The following CACNA2D3 variants were observed in gnomAD, a reference collection of about 807,000 sequenced individuals.
CACNA2D3 encodes voltage-dependent calcium channel subunit alpha-2/delta-3.
A neutral mutation model predicts 160.6 loss-of-function variants in CACNA2D3; 60 were observed. The observed-to-expected ratio is 0.37, with a 90% CI of 0.30 to 0.46. The LOEUF (loss-of-function observed/expected upper bound fraction) is 0.46. Among genes scored for constraint, CACNA2D3 ranks in the 20% least tolerant of loss-of-function variants. The pLI, the probability that CACNA2D3 is intolerant of heterozygous loss-of-function variation, is 1.00. For synonymous variants in CACNA2D3, 558 were observed against 492.9 expected, an observed-to-expected ratio of 1.13 and a Z score of -1.75; for missense variants, 1,205 against 1,365.0, an observed-to-expected ratio of 0.88 and a Z score of 1.85.
chr3:54,287,545 G>C (rs1309886709), intron 2 of CACNA2D3, among the ~76,000 whole-genome samples: 2 of 147,636 alleles, frequency 1.4e-5, no homozygotes, highest in Non-Finnish European at 3.0e-5. Flanking sequence ...AGGATACCCA[G>C]GAATTGAACT....
chr3:54,916,810 A>G (rs1045403827), intron 27 of CACNA2D3, among the ~76,000 whole-genome samples: 4 of 152,258 alleles, frequency 2.6e-5, no homozygotes, highest in African/African-American at 9.6e-5. Context: ...ACCAATCATT[A>G]CATGGCCTGA....
intron 4 of CACNA2D3, among the ~76,000 whole-genome samples, chr3:54,495,514 T>C (rs960555179): frequency 1.3e-5 from 2 of 152,152 alleles, no homozygotes; most frequent in Non-Finnish European, 2.9e-5. Flanking sequence ...TTTGGGAGGC[T>C]GAAGAGGGCA....
chr3:54,129,424 AG>A, intron 2 of CACNA2D3, among the ~76,000 whole-genome samples: 1 of 152,316 alleles, frequency 6.6e-6, no homozygotes, highest in South Asian at 2.1e-4. Flanking sequence ...AGGCTGTTTA[AG>A]GCACTAAATT....
chr3:55,009,921 G>T (rs1030852829), intron 34 of CACNA2D3, among the ~76,000 whole-genome samples: 14 of 152,140 alleles, frequency 9.2e-5, no homozygotes, highest in African/African-American at 3.1e-4. Flanking sequence ...TGGAGGCATG[G>T]GTTGTGGAGT....
At chr3:54,411,543 A>T (rs1264375353) in intron 4 of CACNA2D3, among the ~76,000 whole-genome samples, 2 of 152,230 alleles carry the variant, frequency 1.3e-5, no homozygotes, top group African/African-American at 4.8e-5. Context: ...TTGTATCAGT[A>T]AAGTATTTTA....
chr3:54,876,891 G>A (rs142023136), intron 18 of CACNA2D3: 1 of 152,310 alleles, frequency 6.6e-6, no homozygotes, highest in East Asian at 1.9e-4. Flanking sequence ...CTGGGATCTG[G>A]GAGTCCTCAC....
intron 27 of CACNA2D3, among the ~76,000 whole-genome samples, chr3:54,911,923 T>C (rs758192034): frequency 6.6e-6 from 1 of 152,196 alleles, no homozygotes; most frequent in Admixed American, 6.5e-5. Context: ...ACATTTACTA[T>C]TGTACAGTAC....
chr3:54,738,017 A>G (rs1701568904), intron 11 of CACNA2D3, among the ~76,000 whole-genome samples: 1 of 152,206 alleles, frequency 6.6e-6, no homozygotes, highest in Non-Finnish European at 1.5e-5. Context: ...GGGGCTGGAT[A>G]GCAATGGAAG....
chr3:54,836,251 T>C (rs1698682035), intron 14 of CACNA2D3, among the ~76,000 whole-genome samples: 1 of 147,082 alleles, frequency 6.8e-6, no homozygotes, highest in Non-Finnish European at 1.5e-5. Flanking sequence ...TGTTTTTGTT[T>C]TGGGAGAGAG....
intron 2 of CACNA2D3, among the ~76,000 whole-genome samples, chr3:54,134,253 C>T (rs999219567): frequency 1.1e-4 from 17 of 152,090 alleles, no homozygotes; most frequent in African/African-American, 4.1e-4. Flanking sequence ...GTGTGAAATC[C>T]TGTGAACCCC....
intron 13 of CACNA2D3, among the ~76,000 whole-genome samples, chr3:54,778,416 C>T (rs1363370713): frequency 6.6e-6 from 1 of 152,034 alleles, no homozygotes; most frequent in African/African-American, 2.4e-5. Flanking sequence ...CTGCTTTTCT[C>T]TCTGCAGGAA....
intron 23 of CACNA2D3, 149 bp from the exon 24 acceptor site, chr3:54,887,810 C>A (rs1292787258): frequency 1.6e-6 from 1 of 633,336 alleles, no homozygotes; most frequent in African/African-American, 1.8e-5. Context: ...AGAACTGTTT[C>A]ATATTTTCAA....
intron 9 of CACNA2D3, among the ~76,000 whole-genome samples, chr3:54,623,879 C>A (rs532978550): frequency 6.6e-6 from 1 of 152,244 alleles, no homozygotes; most frequent in Admixed American, 6.5e-5. Flanking sequence ...CTGGACAGAG[C>A]AGCTCTTAGT....
intron 2 of CACNA2D3, among the ~76,000 whole-genome samples, chr3:54,208,287 T>C (rs1701307220): frequency 6.6e-6 from 1 of 152,166 alleles, no homozygotes; most frequent in Non-Finnish European, 1.5e-5. Context: ...TTTGTATTTT[T>C]AGGAGAGATG....
chr3:54,218,214 G>A (rs541428528), intron 2 of CACNA2D3, among the ~76,000 whole-genome samples: 9 of 152,074 alleles, frequency 5.9e-5, no homozygotes, highest in Admixed American at 1.3e-4. Context: ...AACAGTGGGC[G>A]TCTCCCACTG....
intron 12 of CACNA2D3, among the ~76,000 whole-genome samples, chr3:54,756,519 G>C (rs1701974418): frequency 6.6e-6 from 1 of 152,150 alleles, no homozygotes. Context: ...ATGAGGTCCA[G>C]AGGGCCCCCT....
At chr3:54,748,765 C>T (rs1416546446) in intron 11 of CACNA2D3, among the ~76,000 whole-genome samples, 1 of 152,174 alleles carries the variant, frequency 6.6e-6, no homozygotes, top group Non-Finnish European at 1.5e-5. Context: ...CTCTGCTTCA[C>T]ACTCCTTGCA....
chr3:54,473,133 T>C (rs1306000918), intron 4 of CACNA2D3, among the ~76,000 whole-genome samples: 1 of 152,148 alleles, frequency 6.6e-6, no homozygotes, highest in Non-Finnish European at 1.5e-5. Context: ...CTTCAAACTA[T>C]ACTACAAGAC....
intron 2 of CACNA2D3, among the ~76,000 whole-genome samples, chr3:54,196,075 T>C (rs1354599532): frequency 1.3e-5 from 2 of 152,204 alleles, no homozygotes; most frequent in African/African-American, 2.4e-5. Flanking sequence ...TTTGTAGCTG[T>C]TGAATTTTCC....
Sources: gnomAD v4.1 joint callset for allele counts (sites outside exome capture counted in the v4.1 genomes callset) on GRCh38, gnomAD v4.1.1 for gene constraint, MANE v1.5 for transcripts, NCBI Gene and HGNC (gene_info 2026-07-23, HGNC 2026-07-21) for gene names.